The following CPPED1 variants were observed in gnomAD, a reference collection of about 807,000 sequenced individuals.
The protein encoded by CPPED1 is serine/threonine-protein phosphatase CPPED1.
CPPED1 carries 28 observed loss-of-function variants against 28.0 expected under a neutral mutation model. The observed-to-expected ratio is 1.00, with a 90% CI of 0.74 to 1.37. The LOEUF (loss-of-function observed/expected upper bound fraction) is 1.37. Ranked by LOEUF, CPPED1 falls within the 40% of genes most tolerant of loss-of-function variation. CPPED1 has a pLI of 0.00. For missense variants in CPPED1, 504 were observed against 416.5 expected (o/e 1.21, Z -1.83); for synonymous variants, 198 against 180.2 (o/e 1.10, Z -0.79).
chr16:12,782,578 G>C (rs2080538863), intron 1 of CPPED1, among the ~76,000 whole-genome samples: 2 of 144,040 alleles, frequency 1.4e-5, no homozygotes, highest in Admixed American at 1.4e-4. Flanking sequence ...TTTAATGTAT[G>C]GCCAGGTACA....
intron 2 of CPPED1, among the ~76,000 whole-genome samples, chr16:12,711,180 G>A (rs1567283098): frequency 6.6e-6 from 1 of 152,182 alleles, no homozygotes; most frequent in Non-Finnish European, 1.5e-5. Flanking sequence ...TCTGACACAT[G>A]CTACAACATG....
chr16:12,731,459 G>A (rs971459041), intron 2 of CPPED1, among the ~76,000 whole-genome samples: 12 of 151,834 alleles, frequency 7.9e-5, no homozygotes, highest in African/African-American at 2.7e-4. Flanking sequence ...GAAAACAAGG[G>A]GATAAAGATG....
intron 2 of CPPED1, among the ~76,000 whole-genome samples, chr16:12,773,594 A>G (rs1596480027): frequency 1.3e-5 from 2 of 152,226 alleles, no homozygotes; most frequent in South Asian, 4.1e-4. Context: ...ATGGTGGTGC[A>G]CACCTGTAAC....
intron 2 of CPPED1, among the ~76,000 whole-genome samples, chr16:12,756,109 C>A (rs1443809907): frequency 1.4e-5 from 2 of 146,718 alleles, no homozygotes; most frequent in Non-Finnish European, 3.0e-5. Flanking sequence ...CCAGCCTGGG[C>A]AACAGAGCGA....
At chr16:12,675,973 G>A (rs1452019063) in intron 3 of CPPED1, among the ~76,000 whole-genome samples, 2 of 152,354 alleles carry the variant, frequency 1.3e-5, no homozygotes, top group East Asian at 3.9e-4. Flanking sequence ...CAAAGGGGAA[G>A]CGACAGATGT....
At chr16:12,762,304 GA>G (rs1177154579) in intron 2 of CPPED1, among the ~76,000 whole-genome samples, 1 of 152,112 alleles carries the variant, frequency 6.6e-6, no homozygotes, top group African/African-American at 2.4e-5. Context: ...GACCACTAGG[GA>G]TATTATTTAG....
rs1255246699 is a variant in CPPED1 at position 12,704,827 on chromosome 16, G to A, written c.512C>T (p.Pro171Leu). The A allele has an allele frequency of 6.2e-7, 1 of 1,614,224 alleles. No individual in the cohort carries two copies. The highest frequency in any genetic ancestry group is 8.5e-7 in the Non-Finnish European group (1 of 1,180,042). Residue 171 changes from proline to leucine, a missense_variant, in exon 3 of 4, where the codon CCC (proline) becomes CTC (leucine). Coordinates refer to ENST00000381774, the MANE Select transcript of CPPED1 (RefSeq NM_018340.3). Reference sequence around the variant, plus strand: ...CTGCTTCAGGCTGGGGCATTTGGAGGGGTTCTCGTAGAACTGGGAGTTGAG... The same window carrying A: ...CTGCTTCAGGCTGGGGCATTTGGAGAGGTTCTCGTAGAACTGGGAGTTGAG... ...LVLNSQFYEN[P>L]SKCPSLKQAQ...
Position 12,747,071 on chromosome 16 carries a change from T to TA in CPPED1, c.289+34113dup, listed in dbSNP as rs1312739147. Among the ~76,000 whole-genome samples the TA allele has an allele frequency of 2.2e-3, 291 of 133,476 alleles. 2 individuals are homozygous for TA. In the East Asian group the frequency reaches 0.044, roughly 20 times the overall value. The allele number at this position is 133,476 out of a possible 152,430, so 87.6% of individuals were successfully genotyped here. On this transcript the variant is annotated intron_variant, in intron 2 of 3. Coordinates refer to ENST00000381774, the MANE Select transcript of CPPED1 (RefSeq NM_018340.3). ...TACTCCCAAAAAATAAAAAAAAAATTAAAAAAAAAAAGAAGAAGAATGGGA... is the reference window on the plus strand; with the variant it reads ...TACTCCCAAAAAATAAAAAAAAAATTAAAAAAAAAAAAGAAGAAGAATGGGA...
intron 3 of CPPED1, among the ~76,000 whole-genome samples, chr16:12,665,590 G>A (rs772926335): frequency 4.1e-4 from 62 of 151,986 alleles, no homozygotes; most frequent in Admixed American, 3.9e-4. Flanking sequence ...TCAGGAGTTC[G>A]AGACCAGCCT....
Position 12,737,825 on chromosome 16 carries a change from G to C in CPPED1, c.290-32776C>G, listed in dbSNP as rs113070248. Among the ~76,000 whole-genome samples, 1,022 of 152,274 alleles carry C rather than the reference G, an allele frequency of 6.7e-3. 6 individuals carry two copies. Among genetic ancestry groups the C allele is most frequent in the Middle Eastern group, 0.034 (10 of 294 alleles). ...GAGGGAGCGGCTGGAGGGAACATTTGAGCAATTTTCTCTCTCTCTTCTTGG... is the reference window on the plus strand; with the variant it reads ...GAGGGAGCGGCTGGAGGGAACATTTCAGCAATTTTCTCTCTCTCTTCTTGG... On this transcript the variant is annotated intron_variant, in intron 2 of 3. Transcript: ENST00000381774.
chr16:12,673,518 C>A (rs1260843411), intron 3 of CPPED1, among the ~76,000 whole-genome samples: 1 of 152,158 alleles, frequency 6.6e-6, no homozygotes, highest in Non-Finnish European at 1.5e-5. Flanking sequence ...AAGTTTCACA[C>A]CATATTGAGT....
At chr16:12,766,256 T>TATATATATATAGAGAGAG in intron 2 of CPPED1, among the ~76,000 whole-genome samples, 10 of 134,250 alleles carry the variant, frequency 7.4e-5, no homozygotes, top group African/African-American at 2.4e-4. Flanking sequence ...TATATATATA[T>TATATATATATAGAGAGAG]AGAGAGAGAG....
At position 12,704,808 on chromosome 16, in the gene CPPED1, C is replaced by T. The variant is rs768031817; in HGVS notation, c.531G>A (p.Leu177=). The T allele has an allele frequency of 6.2e-7, 1 of 1,614,236 alleles. No individual in the cohort carries two copies. The highest frequency in any genetic ancestry group is 8.5e-7 in the Non-Finnish European group (1 of 1,180,038). The change falls in exon 3 of 4, where the codon CTG becomes CTA. Residue 177 remains leucine (L), a synonymous_variant. Coordinates refer to ENST00000381774, the MANE Select transcript of CPPED1 (RefSeq NM_018340.3). ...CCAGCCACTGGTCCTGAGCCTGCTT[C>T]AGGCTGGGGCATTTGGAGGGGTTCT... ...FYENPSKCPS[L]KQAQDQWLDE...
chr16:12,789,761 G>C (rs1036175636), intron 1 of CPPED1, among the ~76,000 whole-genome samples: 2 of 152,046 alleles, frequency 1.3e-5, no homozygotes, highest in Non-Finnish European at 2.9e-5. Flanking sequence ...TCCTGAGCTC[G>C]AGTGATCAGC....
At chr16:12,715,343 T>A (rs2080101831) in intron 2 of CPPED1, among the ~76,000 whole-genome samples, 1 of 152,152 alleles carries the variant, frequency 6.6e-6, no homozygotes, top group Non-Finnish European at 1.5e-5. Flanking sequence ...AGAAATAAGA[T>A]CAAGGTCCAA....
intron 3 of CPPED1, among the ~76,000 whole-genome samples, chr16:12,683,880 C>T (rs1212959582): frequency 6.6e-6 from 1 of 152,238 alleles, no homozygotes; most frequent in African/African-American, 2.4e-5. Context: ...GGCGCAGCCT[C>T]TCCAGGATTT....
intron 1 of CPPED1, among the ~76,000 whole-genome samples, chr16:12,782,079 A>G (rs556136292): frequency 6.6e-6 from 1 of 152,072 alleles, no homozygotes; most frequent in Non-Finnish European, 1.5e-5. Context: ...ATGTTCTTGG[A>G]AAGGGATCTA....
rs28674050 is a variant in CPPED1 at position 12,735,300 on chromosome 16, A to T, written c.290-30251T>A. ...AATGGCCCCTTCCCCAAAAATATAT[A>T]TATTTTTTTTAGATGGAGTCTTGCT... On this transcript the variant is annotated intron_variant, in intron 2 of 3. Transcript: ENST00000381774. 6.7e-3 allele frequency among the ~76,000 whole-genome samples: 1,019 copies of T among 152,238 alleles called. 6 individuals are homozygous for T. Among genetic ancestry groups the T allele is most frequent in the Middle Eastern group, 0.034 (10 of 294 alleles).
intron 2 of CPPED1, among the ~76,000 whole-genome samples, chr16:12,740,681 G>T (rs1342829663): frequency 6.6e-6 from 1 of 152,174 alleles, no homozygotes; most frequent in Admixed American, 6.5e-5. Context: ...GCCAGCTGCA[G>T]GGGCAAGGGC....
Sources: allele counts gnomAD v4.1 joint callset (sites outside exome capture counted in the v4.1 genomes callset), GRCh38; gene constraint gnomAD v4.1.1; transcripts MANE v1.5; gene names NCBI Gene and HGNC (gene_info 2026-07-23, HGNC 2026-07-21).